Variants in SAG observed in about 807,000 individuals in gnomAD.
SAG encodes S-arrestin.
Under a neutral mutation model 55.0 loss-of-function variants are expected in SAG, and 45 were observed. The observed-to-expected ratio is 0.82, with a 90% CI of 0.64 to 1.05. The LOEUF (loss-of-function observed/expected upper bound fraction) is 1.05, where lower values mean the gene tolerates loss of function less well. Ranked by LOEUF, SAG falls within the 50% of genes least tolerant of loss-of-function variation. The pLI is 0.00. For missense variants in SAG, 455 were observed against 512.1 expected, an observed-to-expected ratio of 0.89 and a Z score of 1.08; for synonymous variants, 189 against 197.4, an observed-to-expected ratio of 0.96 and a Z score of 0.36.
intron 11 of SAG, among the ~76,000 whole-genome samples, chr2:233,335,969 C>T (rs947500714): frequency 2.0e-5 from 3 of 152,244 alleles, no homozygotes; most frequent in Non-Finnish European, 4.4e-5. Flanking sequence ...GTAGCTCACA[C>T]TCTCTGAGAC....
rs751213567 is a variant in SAG, at chr2:233,322,781, A to G, written c.376-165A>G. ...TGTGTACAGGCAGGAAATTTTGGGA[A>G]GGTTATGTTAGCAATATGTATTTGG... is the stretch of plus-strand genomic sequence containing the variant. On this transcript the variant is annotated intron_variant, in intron 5 of 15. Coordinates refer to ENST00000409110, the MANE Select transcript of SAG (RefSeq NM_000541.5). 2.6e-5 allele frequency among the ~76,000 whole-genome samples: 4 copies of G among 152,322 alleles called. No individual in the cohort carries two copies. The South Asian group carries it at 6.2e-4, about 24-fold the overall frequency.
chr2:233,339,814 C>G (rs1299194861), intron 12 of SAG, among the ~76,000 whole-genome samples: 3 of 151,876 alleles, frequency 2.0e-5, no homozygotes, highest in South Asian at 2.1e-4. Flanking sequence ...AGGTGCCCAC[C>G]ACCATGCCTG....
intron 1 of SAG, 32 bp from the exon 2 acceptor site, chr2:233,309,130 C>T (rs1413227434): frequency 1.5e-6 from 2 of 1,355,366 alleles, no homozygotes; most frequent in Non-Finnish European, 2.1e-6. Context: ...TTACCTTTCT[C>T]CAACCCTCTA....
chr2:233,316,571 A>G (rs909447580), intron 3 of SAG, among the ~76,000 whole-genome samples: 1 of 152,192 alleles, frequency 6.6e-6, no homozygotes, highest in Non-Finnish European at 1.5e-5. Flanking sequence ...TCGGCCTCCC[A>G]AAGTGCTGGG....
Position 233,338,772 on chromosome 2 carries a change from A to G in SAG, c.1022+19A>G, listed in dbSNP as rs1392004875. 6.2e-7 allele frequency: 1 copy of G among 1,604,378 alleles called. No individual in the cohort carries two copies. On this transcript the variant is annotated intron_variant, in intron 12 of 15. Transcript: ENST00000409110. ...TGTCAGGGTAAGTGTCCCGGCACCA[A>G]CCCTCGGGCTGCTCTGTCCTGGTCT...
rs1700837349 is a variant in SAG at position 233,333,642 on chromosome 2, A to G, written c.807-1320A>G. ...CCCACCATCCAAACCCACATCCTGA[A>G]GCTCTGGGGAGTGGCCCCAGAGCCT... is the stretch of plus-strand genomic sequence containing the variant. On this transcript the variant is annotated intron_variant, in intron 10 of 15. Coordinates refer to ENST00000409110, the MANE Select transcript of SAG (RefSeq NM_000541.5). The G allele has an allele frequency of 2.0e-5, 3 of 152,264 alleles. No individual in the cohort carries two copies. In the East Asian group the frequency reaches 5.8e-4, roughly 29 times the overall value. 9.4% of individuals were successfully genotyped at this position (152,264 alleles called of 1,614,324 possible). A position where few individuals can be genotyped will look rare whatever the true frequency, so the allele number is the denominator to read the frequency against.
At chr2:233,320,292 A>C (rs1160371694) in intron 4 of SAG, among the ~76,000 whole-genome samples, 1 of 152,188 alleles carries the variant, frequency 6.6e-6, no homozygotes, top group Non-Finnish European at 1.5e-5. Context: ...AGCAGCCAGC[A>C]CTGTCTCAAA....
At chr2:233,336,787 C>T (rs1700945322) in intron 11 of SAG, among the ~76,000 whole-genome samples, 1 of 152,070 alleles carries the variant, frequency 6.6e-6, no homozygotes, top group Non-Finnish European at 1.5e-5. Flanking sequence ...TGCTTGGCCC[C>T]ATTCAGCGCA....
intron 3 of SAG, among the ~76,000 whole-genome samples, chr2:233,317,949 A>G (rs1559435089): frequency 6.6e-6 from 1 of 152,168 alleles, no homozygotes; most frequent in African/African-American, 2.4e-5. Flanking sequence ...GCATTCGTAT[A>G]ATTAAGTTAT....
rs1311913632 is a variant in SAG at position 233,319,218 on chromosome 2, G to A, written c.181+423G>A. Among the ~76,000 whole-genome samples, 2 of 152,142 alleles carry A rather than the reference G, an allele frequency of 1.3e-5. No individual in the cohort carries two copies. The highest frequency in any genetic ancestry group is 3.4e-3 in the Middle Eastern group (1 of 294). On this transcript the variant is annotated intron_variant, in intron 4 of 15. Transcript: ENST00000409110. This position sits in a 1 kb window ranked among gnomAD's most constrained non-coding sequence, Gnocchi z 4.4. Reference sequence around the variant, plus strand: ...GCAGTGTTTCTTCTGAGTCAGTGGCGAGGGGCAGTTACCGTTGGGGCTGAC... The same window carrying A: ...GCAGTGTTTCTTCTGAGTCAGTGGCAAGGGGCAGTTACCGTTGGGGCTGAC...
At position 233,319,775 on chromosome 2, in the gene SAG, G is replaced by A. The variant is rs549062628; in HGVS notation, c.182-855G>A. ...GCACAGGACAGCTGTCAAACCACGT[G>A]GTCTCTGGGCACCTTCTTAGTCCTG... On this transcript the variant is annotated intron_variant, in intron 4 of 15. Coordinates refer to ENST00000409110, the MANE Select transcript of SAG (RefSeq NM_000541.5). This position sits in a 1 kb window ranked among gnomAD's most constrained non-coding sequence, Gnocchi z 4.4. 1.0e-6 allele frequency: 1 copy of A among 985,592 alleles called. No homozygotes were observed. The highest frequency in any genetic ancestry group is 1.7e-5 in the African/African-American group (1 of 57,320). 61.1% of individuals were successfully genotyped at this position (985,592 alleles called of 1,614,324 possible).
chr2:233,315,761 G>A (rs1307884772), intron 2 of SAG, among the ~76,000 whole-genome samples: 1 of 149,354 alleles, frequency 6.7e-6, no homozygotes, highest in Non-Finnish European at 1.5e-5. Flanking sequence ...GGAGTGCAGT[G>A]GCGTGCTCTT....
In SAG at chr2:233,346,857, A is replaced by G; in HGVS notation, c.1163A>G (p.Lys388Arg). Residue 388 changes from lysine to arginine, a missense_variant, in exon 16 of 16, where the codon AAA becomes AGA. Lys to Arg is a conservative substitution (Grantham distance 26). Transcript: ENST00000409110. ...VFEEFARHNL[K>R]DAGEAEEGKR... ...GAGGAGTTTGCTCGCCATAATCTGA[A>G]AGATGCAGGAGAAGCTGAGGAGGGG... 6.2e-7 allele frequency: 1 copy of G among 1,613,130 alleles called. No individual in the cohort carries two copies. Among genetic ancestry groups the G allele is most frequent in the Non-Finnish European group, 8.5e-7 (1 of 1,179,398 alleles).
intron 2 of SAG, among the ~76,000 whole-genome samples, chr2:233,311,629 A>T (rs891566046): frequency 7.9e-5 from 12 of 152,266 alleles, no homozygotes; most frequent in Middle Eastern, 3.4e-3. Flanking sequence ...GGCTGGCTAC[A>T]GTCTCACATC....
At chr2:233,335,270 C>G (rs547356411) in intron 11 of SAG, among the ~76,000 whole-genome samples, 171 bp downstream of exon 11, 21 of 152,322 alleles carry the variant, frequency 1.4e-4, no homozygotes, top group East Asian at 5.8e-4. Context: ...CACTCTCACC[C>G]CTGGTGTGAT....
chr2:233,329,365 C>T (rs1700675264), intron 8 of SAG, 128 bp from the exon 9 acceptor site: 1 of 677,330 alleles, frequency 1.5e-6, no homozygotes, highest in African/African-American at 1.8e-5. Flanking sequence ...ATTGCTATCA[C>T]TTCATCTTCC....
In SAG at chr2:233,340,497, C is replaced by A; in HGVS notation, c.1046+19C>A. ...CCTCCAGGTAAGCCTGTTCACCTTC[C>A]TTGTTTGATTGTTTCTCAAGATATC... is the stretch of plus-strand genomic sequence containing the variant. On this transcript the variant is annotated intron_variant, in intron 13 of 15. Transcript: ENST00000409110. The surrounding 1 kb of genome is among the most constrained non-coding windows in gnomAD (Gnocchi z 4.2). 1 of 1,603,658 alleles carries A rather than the reference C, an allele frequency of 6.2e-7. No homozygotes were observed. Among genetic ancestry groups the A allele is most frequent in the South Asian group, 1.1e-5 (1 of 89,754 alleles).
At chr2:233,318,389 G>A (rs1700276115) in intron 3 of SAG, among the ~76,000 whole-genome samples, 1 of 151,720 alleles carries the variant, frequency 6.6e-6, no homozygotes, top group Non-Finnish European at 1.5e-5. Flanking sequence ...CAGGCTGCTG[G>A]CTAATTTTTT....
intron 10 of SAG, chr2:233,331,973 GA>G (rs1463008741): frequency 2.1e-6 from 1 of 470,110 alleles, no homozygotes; most frequent in Non-Finnish European, 3.8e-6. Flanking sequence ...AATAAAGACA[GA>G]AATGTCACCA....
Sources: gnomAD v4.1 joint callset for allele counts (sites outside exome capture counted in the v4.1 genomes callset) on GRCh38, gnomAD v4.1.1 for gene constraint, Gnocchi (gnomAD v3.1) non-coding constraint, MANE v1.5 for transcripts, NCBI Gene and HGNC (gene_info 2026-07-23, HGNC 2026-07-21) for gene names.